LGALS3: variants seen among roughly 807,000 people sequenced by gnomAD.
The protein encoded by LGALS3 is galectin-3.
Under a neutral mutation model 20.7 loss-of-function variants are expected in LGALS3, and 18 were observed. The observed-to-expected ratio is 0.87, with a 90% confidence interval of 0.60 to 1.29. The LOEUF (loss-of-function observed/expected upper bound fraction) is 1.29. LGALS3 is among the 50% of genes most tolerant of loss of function. The pLI is 0.00. For missense variants in LGALS3, 315 were observed against 314.7 expected (o/e 1.00, Z -0.01); for synonymous variants, 112 against 119.6 (o/e 0.94, Z 0.42).
intron 1 of LGALS3, among the ~76,000 whole-genome samples, chr14:55,136,514 T>C (rs1358891959): frequency 6.6e-6 from 1 of 152,198 alleles, no homozygotes; most frequent in Admixed American, 6.5e-5. Context: ...CTTCGGCTTT[T>C]ATTTTTTTTT....
chr14:55,140,889 T>G (rs1881600168), intron 4 of LGALS3, among the ~76,000 whole-genome samples: 1 of 152,212 alleles, frequency 6.6e-6, no homozygotes, highest in Non-Finnish European at 1.5e-5. Context: ...GGAAAATACA[T>G]GCTAATTATG....
At chr14:55,141,990 T>C (rs560017715) in intron 4 of LGALS3, among the ~76,000 whole-genome samples, 146 of 152,334 alleles carry the variant, frequency 9.6e-4, no homozygotes, top group African/African-American at 3.3e-3. Flanking sequence ...AGCAATTTCA[T>C]TGGTTCTGGC....
At position 55,140,357 on chromosome 14, in the gene LGALS3, C is replaced by T. The variant is rs1881579114; in HGVS notation, c.425C>T (p.Ala142Val). The stretch of plus-strand genomic sequence containing the variant: ...ATTCTGGGCACGGTGAAGCCCAATG[C>T]AAACAGGTAAGGAGAGCAAAATTAA... Reference protein sequence around the residue: ...ITILGTVKPNANRIALDFQRG... With the variant: ...ITILGTVKPNVNRIALDFQRG... Residue 142 changes from alanine to valine, a missense_variant, in exon 4 of 6, where the codon GCA becomes GTA. Ala to Val is a moderately conservative substitution (Grantham distance 64, BLOSUM62 0). Coordinates refer to ENST00000254301, the MANE Select transcript of LGALS3 (RefSeq NM_002306.4). 2 of 1,608,232 alleles carry T rather than the reference C, an allele frequency of 1.2e-6. No individual in the cohort carries two copies. Among genetic ancestry groups the T allele is most frequent in the Non-Finnish European group, 1.7e-6 (2 of 1,175,596 alleles).
At chr14:55,136,180 A>G (rs1594650950) in intron 1 of LGALS3, among the ~76,000 whole-genome samples, 2 of 152,012 alleles carry the variant, frequency 1.3e-5, no homozygotes, top group Admixed American at 6.6e-5. Context: ...TCTCCAGACC[A>G]CCCCTTAGGC....
At chr14:55,144,561 G>A (rs1035239695) in intron 5 of LGALS3, among the ~76,000 whole-genome samples, 1 of 151,904 alleles carries the variant, frequency 6.6e-6, no homozygotes, top group African/African-American at 2.4e-5. Flanking sequence ...GAATTTTTTT[G>A]TTGTTGCTTT....
chr14:55,133,633 C>G (rs189264993), intron 1 of LGALS3, among the ~76,000 whole-genome samples: 88 of 152,154 alleles, frequency 5.8e-4, no homozygotes, highest in African/African-American at 1.9e-3. Context: ...CACACAAATG[C>G]CAGGTTTTGT....
chr14:55,140,379 T>C lies in LGALS3; in HGVS notation c.431+16T>C, dbSNP rs1162635669. On this transcript the variant is annotated intron_variant, in intron 4 of 5. Transcript: ENST00000254301. ...ATGCAAACAGGTAAGGAGAGCAAAA[T>C]TAACAAGTCTACTCTATTTGTAGAT... 3.3e-6 allele frequency: 5 copies of C among 1,531,288 alleles called. No homozygotes were observed. The South Asian group carries it at 5.7e-5, about 17-fold the overall frequency. The allele number at this position is 1,531,288 out of a possible 1,614,324, so 94.9% of individuals were successfully genotyped here.
chr14:55,130,763 G>T (rs984560578), intron 1 of LGALS3, among the ~76,000 whole-genome samples: 4 of 149,632 alleles, frequency 2.7e-5, no homozygotes, highest in African/African-American at 7.4e-5. Context: ...TGGGGGGGGG[G>T]GGGTCCCTCC....
Position 55,145,214 on chromosome 14 carries a change from C to A in LGALS3, c.696C>A (p.Ser232Arg), listed in dbSNP as rs1881774252. Residue 232 changes from serine (S) to arginine (R), a missense_variant, in exon 6 of 6, where the codon AGC (serine) becomes AGA (arginine). Coordinates refer to ENST00000254301, the MANE Select transcript of LGALS3 (RefSeq NM_002306.4). ...GGGTTAAAAAACTCAATGAAATCAG[C>A]AAACTGGGAATTTCTGGTGACATAG... is the stretch of plus-strand genomic sequence containing the variant. ...NHRVKKLNEI[S>R]KLGISGDIDL... 1 of 1,613,492 alleles carries A rather than the reference C, an allele frequency of 6.2e-7. No individual in the cohort carries two copies. The highest frequency in any genetic ancestry group is 8.5e-7 in the Non-Finnish European group (1 of 1,179,840).
At chr14:55,137,869 C>T (rs1415646502) in intron 2 of LGALS3, 176 bp from the exon 3 acceptor site, 1 of 1,312,768 alleles carries the variant, frequency 7.6e-7, no homozygotes, top group South Asian at 2.7e-5. Context: ...GTAATCCCAA[C>T]ATCTAATTTT....
At chr14:55,136,489 G>A (rs1881398024) in intron 1 of LGALS3, among the ~76,000 whole-genome samples, 2 of 151,954 alleles carry the variant, frequency 1.3e-5, no homozygotes, top group Admixed American at 6.6e-5. Context: ...CATCTGCCTT[G>A]CTGCACTGTA....
intron 4 of LGALS3, among the ~76,000 whole-genome samples, chr14:55,141,751 T>C (rs945541233): frequency 6.6e-6 from 1 of 152,240 alleles, no homozygotes; most frequent in African/African-American, 2.4e-5. Flanking sequence ...ATTTAATCAC[T>C]GGAAGATCAT....
chr14:55,138,937 T>A (rs185032635), intron 3 of LGALS3, among the ~76,000 whole-genome samples: 1 of 152,354 alleles, frequency 6.6e-6, no homozygotes, highest in African/African-American at 2.4e-5. Context: ...TCCAGATACA[T>A]CTCAGCCACA....
intron 3 of LGALS3, among the ~76,000 whole-genome samples, chr14:55,139,062 A>G (rs2140294006): frequency 6.6e-6 from 1 of 152,330 alleles, no homozygotes; most frequent in Non-Finnish European, 1.5e-5. Context: ...TGCAGAAGAC[A>G]GCACAAGGTA....
chr14:55,139,264 T>C (rs551555339), intron 3 of LGALS3, among the ~76,000 whole-genome samples: 1 of 151,830 alleles, frequency 6.6e-6, no homozygotes, highest in South Asian at 2.1e-4. Context: ...GTCTTAGGAG[T>C]CATAGAGGAC....
intron 3 of LGALS3, among the ~76,000 whole-genome samples, chr14:55,139,238 A>C (rs1881531573): frequency 6.6e-6 from 1 of 152,198 alleles, no homozygotes; most frequent in Non-Finnish European, 1.5e-5. Flanking sequence ...AAGAACCCCC[A>C]GAATCTACTG....
rs988165115 is a variant in LGALS3, at chr14:55,129,927, C to A, written c.-5+627C>A. On this transcript the variant is annotated intron_variant, in intron 1 of 5. Transcript: ENST00000254301. The surrounding 1 kb of genome is among the most constrained non-coding windows in gnomAD (Gnocchi z 5.3). ...ACTTGGAGGAGATCTCGCTGTGGAG[C>A]GCGAATGAGTTCTTCCACCGGGACC... Among the ~76,000 whole-genome samples the A allele has an allele frequency of 1.3e-5, 2 of 152,280 alleles. No homozygotes were observed. Among genetic ancestry groups the A allele is most frequent in the East Asian group, 3.9e-4 (2 of 5,176 alleles).
Position 55,145,118 on chromosome 14 carries a change from A to C in LGALS3, c.600A>C (p.Ile200=), listed in dbSNP as rs754786944. The C allele has an allele frequency of 6.2e-7, 1 of 1,613,028 alleles. No individual in the cohort carries two copies. Among genetic ancestry groups the C allele is most frequent in the Non-Finnish European group, 8.5e-7 (1 of 1,179,162 alleles). ...AGTTTATGTATATGCCATTTCAGAT[A>C]CAAGTACTGGTTGAACCTGACCACT... ...FPFESGKPFK[I]QVLVEPDHFK... Residue 200 remains isoleucine, a splice_region_variant and synonymous_variant, in exon 6 of 6, where the codon ATA becomes ATC. Coordinates refer to ENST00000254301, the MANE Select transcript of LGALS3 (RefSeq NM_002306.4).
chr14:55,135,096 G>C (rs1399913849), intron 1 of LGALS3, among the ~76,000 whole-genome samples: 3 of 151,882 alleles, frequency 2.0e-5, no homozygotes, highest in African/African-American at 7.3e-5. Context: ...GGAGGCTGCA[G>C]TGAGCCCTGA....
Sources: allele counts gnomAD v4.1 joint callset (sites outside exome capture counted in the v4.1 genomes callset), GRCh38; gene constraint gnomAD v4.1.1; non-coding constraint Gnocchi (gnomAD v3.1); transcripts MANE v1.5; gene names NCBI Gene and HGNC (gene_info 2026-07-23, HGNC 2026-07-21).